The following MARCHF1 variants were observed in gnomAD, a reference collection of about 807,000 sequenced individuals.
MARCHF1 encodes E3 ubiquitin-protein ligase MARCHF1.
In MARCHF1, 40 loss-of-function variants were observed where a neutral mutation model predicts 54.2. The ratio of observed to expected loss-of-function variants is 0.74; its 90% confidence interval spans 0.57 to 0.96. MARCHF1 has a LOEUF of 0.96. Among genes scored for constraint, MARCHF1 ranks in the 40% least tolerant of loss-of-function variants. The pLI, the probability that MARCHF1 is intolerant of heterozygous loss-of-function variation, is 0.00. For synonymous variants in MARCHF1, 236 were observed against 236.3 expected (o/e 1.00, Z 0.01); for missense variants, 586 against 656.5 (o/e 0.89, Z 1.17).
chr4:163,804,982 T>G (rs1748184540), intron 4 of MARCHF1, among the ~76,000 whole-genome samples: 1 of 152,154 alleles, frequency 6.6e-6, no homozygotes, highest in Non-Finnish European at 1.5e-5. Flanking sequence ...ACTCCTAAGA[T>G]GCTCTTAAAT....
At chr4:163,624,297 A>G (rs1222085931) in intron 5 of MARCHF1, among the ~76,000 whole-genome samples, 1 of 152,148 alleles carries the variant, frequency 6.6e-6, no homozygotes, top group Admixed American at 6.5e-5. Context: ...TCCTCAACCA[A>G]GAGAGATCAG....
intron 5 of MARCHF1, among the ~76,000 whole-genome samples, chr4:163,686,240 T>C (rs1032682469): frequency 6.6e-5 from 10 of 151,936 alleles, no homozygotes; most frequent in Admixed American, 1.3e-4. Flanking sequence ...TCAAATAATG[T>C]TTTTACCTCA....
At chr4:163,552,658 G>C (rs900421787) in intron 8 of MARCHF1, among the ~76,000 whole-genome samples, 3 of 152,102 alleles carry the variant, frequency 2.0e-5, no homozygotes, top group South Asian at 2.1e-4. Flanking sequence ...ACACACTCAG[G>C]CCTCGTTGAA....
intron 1 of MARCHF1, among the ~76,000 whole-genome samples, chr4:164,200,926 T>C (rs529353229): frequency 6.6e-6 from 1 of 151,802 alleles, no homozygotes; most frequent in East Asian, 1.9e-4. Context: ...CCAGGCAGAA[T>C]GAAGAGCCAG....
rs1191085529 is a variant in MARCHF1, at chr4:164,143,552, A to G, written c.-322-31890T>C. Among the ~76,000 whole-genome samples, 163 of 151,542 alleles carry G rather than the reference A, an allele frequency of 1.1e-3. 1 individual carries two copies. Among genetic ancestry groups the G allele is most frequent in the Middle Eastern group, 3.4e-3 (1 of 294 alleles). On this transcript the variant is annotated intron_variant, in intron 1 of 9. Coordinates refer to ENST00000514618, the MANE Select transcript of MARCHF1 (RefSeq NM_001394959.1). ...TAAAGAAAAGAATTTTCAACCCAGA[A>G]TTTCATATCCAGCCAAACTAAGCTT...
chr4:163,588,619 T>C (rs1053259085), intron 7 of MARCHF1, among the ~76,000 whole-genome samples: 2 of 151,694 alleles, frequency 1.3e-5, no homozygotes, highest in Admixed American at 6.6e-5. Flanking sequence ...CAACCGGGGG[T>C]CAGTAAACTA....
In MARCHF1 at chr4:163,936,164, C is replaced by T. The variant is rs560085831; in HGVS notation, c.-39+52337G>A. Among the ~76,000 whole-genome samples the T allele has an allele frequency of 7.2e-5, 11 of 152,156 alleles. No individual in the cohort carries two copies. In the East Asian group the frequency reaches 1.2e-3, roughly 16 times the overall value. ...CAACAGTCTTATGTAGGCATGATTC[C>T]GGGTGTCCCAAAACAACTCCAACAG... On this transcript the variant is annotated intron_variant, in intron 3 of 9. Coordinates refer to ENST00000514618, the MANE Select transcript of MARCHF1 (RefSeq NM_001394959.1).
intron 1 of MARCHF1, among the ~76,000 whole-genome samples, chr4:164,187,061 C>G (rs1338646218): frequency 6.7e-6 from 1 of 148,582 alleles, no homozygotes; most frequent in East Asian, 2.0e-4. Context: ...ACATAATCTT[C>G]TGATCTTGCT....
intron 5 of MARCHF1, among the ~76,000 whole-genome samples, chr4:163,692,428 C>T (rs566468194): frequency 1.3e-5 from 2 of 152,220 alleles, no homozygotes; most frequent in Admixed American, 1.3e-4. Context: ...GCTGTGTGGG[C>T]AATGAGCATT....
At chr4:163,880,272 A>G (rs1750387428) in intron 3 of MARCHF1, among the ~76,000 whole-genome samples, 1 of 151,398 alleles carries the variant, frequency 6.6e-6, no homozygotes, top group Admixed American at 6.6e-5. Context: ...TTATAAAATT[A>G]TTTTATGATA....
intron 2 of MARCHF1, among the ~76,000 whole-genome samples, chr4:164,061,554 A>G: frequency 8.3e-6 from 1 of 120,556 alleles, no homozygotes; most frequent in Non-Finnish European, 1.7e-5. Flanking sequence ...GGGGGGAGGG[A>G]TAGCATTAGG....
intron 3 of MARCHF1, among the ~76,000 whole-genome samples, chr4:163,869,803 T>C (rs1187488230): frequency 6.6e-6 from 1 of 152,146 alleles, no homozygotes; most frequent in African/African-American, 2.4e-5. Flanking sequence ...GAAATTTATA[T>C]AATAGTTTGA....
intron 4 of MARCHF1, among the ~76,000 whole-genome samples, chr4:163,823,699 T>C (rs1358242086): frequency 6.6e-6 from 1 of 151,868 alleles, no homozygotes; most frequent in Non-Finnish European, 1.5e-5. Context: ...TGCTAAAGCA[T>C]AAACATTTAC....
intron 3 of MARCHF1, among the ~76,000 whole-genome samples, chr4:163,880,463 CTT>C (rs1221748101): frequency 1.3e-5 from 2 of 150,530 alleles, no homozygotes; most frequent in Admixed American, 1.3e-4. Flanking sequence ...CTTTAGGAGT[CTT>C]ATGATAATAG....
chr4:163,767,421 C>G (rs1430321163), intron 4 of MARCHF1, among the ~76,000 whole-genome samples: 1 of 152,152 alleles, frequency 6.6e-6, no homozygotes. Context: ...GCAAGCTCCC[C>G]CTCCTGGGTT....
At chr4:164,112,618 A>G (rs1363290690) in intron 1 of MARCHF1, among the ~76,000 whole-genome samples, 2 of 151,938 alleles carry the variant, frequency 1.3e-5, no homozygotes, top group African/African-American at 4.8e-5. Context: ...TATAATAGTT[A>G]TATAAAATGA....
chr4:164,039,069 A>G (rs2111013432), intron 2 of MARCHF1, among the ~76,000 whole-genome samples: 1 of 152,344 alleles, frequency 6.6e-6, no homozygotes, highest in South Asian at 2.1e-4. Flanking sequence ...CTAAAATACG[A>G]AATTTGAACA....
At position 163,528,797 on chromosome 4, in the gene MARCHF1, T is replaced by C. The variant is rs750553352; in HGVS notation, c.1589A>G (p.Asn530Ser). 1 of 1,613,204 alleles carries C rather than the reference T, an allele frequency of 6.2e-7. No individual in the cohort carries two copies. The highest frequency in any genetic ancestry group is 2.2e-5 in the East Asian group (1 of 44,868). Residue 530 changes from asparagine to serine, a missense_variant, in exon 10 of 10, where the codon AAT becomes AGT. This residue lies in a region of MARCHF1 where 106 missense variants were observed against 93.8 expected (regional missense o/e 1.13). Coordinates refer to ENST00000514618, the MANE Select transcript of MARCHF1 (RefSeq NM_001394959.1). ...GCCACCCTCTGCAGATGGCAGTGAATTTGCACCTGTTTGTGGTACAGGCAC... is the reference window on the plus strand; with the variant it reads ...GCCACCCTCTGCAGATGGCAGTGAACTTGCACCTGTTTGTGGTACAGGCAC... ...VVVPVPQTGA[N>S]SLPSAEGGPP...
chr4:163,846,206 T>C (rs1242131050), intron 4 of MARCHF1, among the ~76,000 whole-genome samples: 1 of 152,212 alleles, frequency 6.6e-6, no homozygotes, highest in Non-Finnish European at 1.5e-5. Flanking sequence ...GAAAACTCTA[T>C]CTGCTCTGAC....
Sources: allele counts gnomAD v4.1 joint callset (sites outside exome capture counted in the v4.1 genomes callset), GRCh38; gene constraint gnomAD v4.1.1; regional missense constraint gnomAD v4.1.1; transcripts MANE v1.5; gene names NCBI Gene and HGNC (gene_info 2026-07-23, HGNC 2026-07-21).